Variants in CLVS1 observed in about 807,000 individuals in gnomAD.
The protein encoded by CLVS1 is clavesin 1.
In CLVS1, 10 loss-of-function variants were observed where a neutral mutation model predicts 33.1. The ratio of observed to expected loss-of-function variants is 0.30; its 90% confidence interval spans 0.19 to 0.51. The LOEUF (loss-of-function observed/expected upper bound fraction) is 0.51. Among genes scored for constraint, CLVS1 ranks in the 20% least tolerant of loss-of-function variants. CLVS1 has a pLI of 0.97. For missense variants in CLVS1, 343 were observed against 433.4 expected, an observed-to-expected ratio of 0.79 and a Z score of 1.85; for synonymous variants, 163 against 166.1, an observed-to-expected ratio of 0.98 and a Z score of 0.14.
chr8:61,191,988 G>C (rs183633540), intron 2 of CLVS1, among the ~76,000 whole-genome samples: 1 of 152,206 alleles, frequency 6.6e-6, no homozygotes, highest in African/African-American at 2.4e-5. Context: ...TCCCCATCAA[G>C]CTACCAATAA....
the CLVS1 span, among the ~76,000 whole-genome samples, chr8:60,998,240 G>C: frequency 6.6e-6 from 1 of 152,256 alleles, no homozygotes; most frequent in East Asian, 1.9e-4. Context: ...GAAAGGAGGG[G>C]TGCTGAGTCA....
At chr8:61,014,926 T>C in the CLVS1 span, among the ~76,000 whole-genome samples, 7 of 152,252 alleles carry the variant, frequency 4.6e-5, no homozygotes, top group South Asian at 2.1e-4. Flanking sequence ...AGTGCCTTTC[T>C]AGAAGAAGTA....
chr8:61,233,860 C>A (rs1808497777), intron 2 of CLVS1, among the ~76,000 whole-genome samples: 1 of 152,212 alleles, frequency 6.6e-6, no homozygotes, highest in Admixed American at 6.5e-5. Flanking sequence ...TGAGGCTGCC[C>A]CAGGCTGACC....
chr8:61,385,427 C>T (rs1323039134), intron 3 of CLVS1, among the ~76,000 whole-genome samples: 2 of 152,274 alleles, frequency 1.3e-5, no homozygotes, highest in East Asian at 3.9e-4. Context: ...GTTAAAGCAG[C>T]ATTTGGCATT....
chr8:61,369,213 G>A (rs1267629460), intron 2 of CLVS1, among the ~76,000 whole-genome samples: 1 of 152,170 alleles, frequency 6.6e-6, no homozygotes, highest in African/African-American at 2.4e-5. Context: ...ATTCAGGGTA[G>A]TAAATTTAAT....
chr8:61,190,267 A>G (rs1371389435), intron 2 of CLVS1, among the ~76,000 whole-genome samples: 1 of 152,240 alleles, frequency 6.6e-6, no homozygotes, highest in Non-Finnish European at 1.5e-5. Flanking sequence ...CTGCTCCTGA[A>G]TGACTACTGG....
At chr8:61,391,633 T>A (rs577160392) in intron 3 of CLVS1, among the ~76,000 whole-genome samples, 1 of 152,218 alleles carries the variant, frequency 6.6e-6, no homozygotes, top group East Asian at 1.9e-4. Context: ...ATTAAGCTAA[T>A]GCCAGCTCAA....
chr8:61,288,302 G>GCCGCCT (rs1033657508), intron 1 of CLVS1, 164 bp downstream of exon 1: 1 of 455,058 alleles, frequency 2.2e-6, no homozygotes, highest in Non-Finnish European at 4.4e-6. Context: ...CCCGCTCCCC[G>GCCGCCT]CCGCCTCCGC....
chr8:61,093,610 A>T (rs923910683), intron 1 of CLVS1, among the ~76,000 whole-genome samples: 4 of 152,232 alleles, frequency 2.6e-5, no homozygotes, highest in Non-Finnish European at 2.9e-5. Flanking sequence ...TTAGTGCTGC[A>T]TGTCATAAAT....
chr8:61,448,138 G>A (rs1038316082), intron 3 of CLVS1, among the ~76,000 whole-genome samples: 3 of 151,584 alleles, frequency 2.0e-5, no homozygotes, highest in Admixed American at 6.6e-5. Flanking sequence ...TTCCTCAAGA[G>A]TCAATATATT....
intron 1 of CLVS1, among the ~76,000 whole-genome samples, chr8:61,069,487 A>G (rs745667745): frequency 2.0e-5 from 3 of 151,656 alleles, no homozygotes; most frequent in Non-Finnish European, 2.9e-5. Context: ...AGTATTTATC[A>G]GCAGTCACAC....
intron 2 of CLVS1, among the ~76,000 whole-genome samples, chr8:61,303,719 C>T (rs1041038607): frequency 6.6e-6 from 1 of 152,178 alleles, no homozygotes; most frequent in African/African-American, 2.4e-5. Context: ...CGACAAGCAA[C>T]CTCCCTGAAA....
At chr8:61,426,727 C>A (rs1401316873) in intron 3 of CLVS1, among the ~76,000 whole-genome samples, 2 of 152,204 alleles carry the variant, frequency 1.3e-5, no homozygotes, top group African/African-American at 2.4e-5. Flanking sequence ...AAGACAGCAA[C>A]CCTCTTCTGT....
At chr8:61,475,703 G>A (rs889353545) in intron 5 of CLVS1, among the ~76,000 whole-genome samples, 2 of 152,152 alleles carry the variant, frequency 1.3e-5, no homozygotes, top group African/African-American at 4.8e-5. Context: ...TTAGCCCTTT[G>A]TCAGATGAGT....
At chr8:61,198,711 C>A (rs1273491789) in intron 2 of CLVS1, among the ~76,000 whole-genome samples, 1 of 152,124 alleles carries the variant, frequency 6.6e-6, no homozygotes, top group Admixed American at 6.5e-5. Flanking sequence ...CATCCCTCAC[C>A]CGCCTTCCCT....
Position 61,498,403 on chromosome 8 carries a change from C to T in CLVS1, c.978-1052C>T, listed in dbSNP as rs537077946. Reference sequence around the variant, plus strand: ...TAGGGTTTGGGCACCCCAGGTCTACCGAGTTAACAATTTACTGCACATATA... The same window carrying T: ...TAGGGTTTGGGCACCCCAGGTCTACTGAGTTAACAATTTACTGCACATATA... On this transcript the variant is annotated intron_variant, in intron 5 of 5. Transcript: ENST00000325897. 7.2e-4 allele frequency among the ~76,000 whole-genome samples: 110 copies of T among 152,228 alleles called. 1 individual carries two copies. The highest frequency in any genetic ancestry group is 2.5e-3 in the African/African-American group (103 of 41,534).
At chr8:61,042,046 T>C in the CLVS1 span, among the ~76,000 whole-genome samples, 8 of 152,308 alleles carry the variant, frequency 5.3e-5, no homozygotes, top group South Asian at 6.2e-4. Context: ...GGACCTCCTC[T>C]GGTCAAAGCT....
At chr8:61,134,104 GC>G (rs1291222522) in intron 2 of CLVS1, among the ~76,000 whole-genome samples, 3 of 152,100 alleles carry the variant, frequency 2.0e-5, no homozygotes, top group Non-Finnish European at 4.4e-5. Flanking sequence ...GTATAGTGGA[GC>G]CCCCTGTCAT....
At chr8:61,057,666 A>G (rs1421705205) in intron 1 of CLVS1, among the ~76,000 whole-genome samples, 2 of 152,222 alleles carry the variant, frequency 1.3e-5, no homozygotes. Context: ...GATACTGCAC[A>G]ACTGTGCAGC....
Sources: gnomAD v4.1 joint callset for allele counts (sites outside exome capture counted in the v4.1 genomes callset) on GRCh38, gnomAD v4.1.1 for gene constraint, MANE v1.5 for transcripts, NCBI Gene and HGNC (gene_info 2026-07-23, HGNC 2026-07-21) for gene names.